The following ABCB5 variants were observed in gnomAD, a reference collection of about 807,000 sequenced individuals.
The protein encoded by ABCB5 is ATP binding cassette subfamily B member 5.
ABCB5 carries 155 observed loss-of-function variants against 144.2 expected under a neutral mutation model. The ratio of observed to expected loss-of-function variants is 1.08; its 90% CI spans 0.94 to 1.23. The LOEUF (loss-of-function observed/expected upper bound fraction) is 1.23, where lower values mean the gene tolerates loss of function less well. ABCB5 is among the 50% of genes most tolerant of loss of function. The probability of loss-of-function intolerance (pLI) is 0.00; values close to 1 mark genes in which losing one functional copy is unlikely to be tolerated. For missense variants in ABCB5, 1,830 were observed against 1,520.8 expected (o/e 1.20, Z -3.38); for synonymous variants, 610 against 528.6 (o/e 1.15, Z -2.11).
At chr7:20,636,291 CT>C (rs1181385510) in intron 5 of ABCB5, among the ~76,000 whole-genome samples, 4 of 151,718 alleles carry the variant, frequency 2.6e-5, no homozygotes, top group South Asian at 2.1e-4. Flanking sequence ...ACGAAGGATA[CT>C]TTTTTTTACA....
chr7:20,619,381 T>G (rs376804658), intron 1 of ABCB5, among the ~76,000 whole-genome samples: 1 of 152,232 alleles, frequency 6.6e-6, no homozygotes, highest in East Asian at 1.9e-4. Context: ...ATAGCCATTC[T>G]GATTGGTGTG....
rs766269026 is a variant in ABCB5 at position 20,698,432 on chromosome 7, T to C, written c.2036T>C (p.Leu679Ser). Residue 679 changes from leucine (L) to serine (S), a missense_variant, in exon 17 of 28, where the codon TTA becomes TCA. Transcript: ENST00000404938. Reference protein sequence around the residue: ...KEISLPEVSLLKILKLNKPEW... With the variant: ...KEISLPEVSLSKILKLNKPEW... ...ATAAGTCTTCCTGAAGTCTCTCTAT[T>C]AAAAATTTTAAAGTTAAACAAGCCT... 1.3e-6 allele frequency: 2 copies of C among 1,581,574 alleles called. No homozygotes were observed. The highest frequency in any genetic ancestry group is 8.5e-7 in the Non-Finnish European group (1 of 1,170,538).
chr7:20,631,473 T>A (rs1784037090), intron 4 of ABCB5, among the ~76,000 whole-genome samples: 1 of 152,168 alleles, frequency 6.6e-6, no homozygotes, highest in Non-Finnish European at 1.5e-5. Context: ...ATATCAACCA[T>A]GGTTTTGTGT....
At chr7:20,726,151 T>C (rs970784735) in intron 21 of ABCB5, among the ~76,000 whole-genome samples, 1 of 152,216 alleles carries the variant, frequency 6.6e-6, no homozygotes, top group African/African-American at 2.4e-5. Flanking sequence ...TTATAAACTA[T>C]ATAAATGTGG....
At chr7:20,619,982 G>A (rs1783775131) in intron 1 of ABCB5, among the ~76,000 whole-genome samples, 1 of 152,008 alleles carries the variant, frequency 6.6e-6, no homozygotes, top group African/African-American at 2.4e-5. Flanking sequence ...GATGGCTATG[G>A]GTGCCCTGCT....
chr7:20,651,364 C>T (rs1408888543), intron 12 of ABCB5, 56 bp from the exon 13 acceptor site: 1 of 1,577,720 alleles, frequency 6.3e-7, no homozygotes, highest in African/African-American at 1.4e-5. Flanking sequence ...TATGAAAAAC[C>T]CTAAAATCAA....
Position 20,646,060 on chromosome 7 carries a change from C to T in ABCB5, c.903C>T (p.Thr301=), listed in dbSNP as rs761362365. 1.4e-5 allele frequency: 23 copies of T among 1,613,734 alleles called. No individual in the cohort carries two copies. Among genetic ancestry groups the T allele is most frequent in the Non-Finnish European group, 1.9e-5 (23 of 1,179,780 alleles). Residue 301 remains threonine (T), a synonymous_variant, in exon 9 of 28, where the codon ACC becomes ACT. Transcript: ENST00000404938. ...CTGTGTACTTCTTTATGAATGGAAC[C>T]TATGGACTTGCTTTTTGGTATGGAA... is the stretch of plus-strand genomic sequence containing the variant. The part of the protein sequence containing the change: ...LGAVYFFMNG[T]YGLAFWYGTS...
chr7:20,646,279 T>C, intron 9 of ABCB5, 141 bp downstream of exon 9: 1 of 802,776 alleles, frequency 1.2e-6, no homozygotes, highest in Non-Finnish European at 1.9e-6. Context: ...ATTATCTGTA[T>C]ACACCTTTAA....
rs546907981 is a variant in ABCB5, at chr7:20,746,264, A to AT, written c.3429+832dup. On this transcript the variant is annotated intron_variant, in intron 26 of 27. Transcript: ENST00000404938. ...AGGCATGTGCCATCACGCCCGGCTAATTTTTTGTATTTTTAGTAGAGAAGG... is the reference window on the plus strand; with the variant it reads ...AGGCATGTGCCATCACGCCCGGCTAATTTTTTTGTATTTTTAGTAGAGAAGG... Among the ~76,000 whole-genome samples, 271 of 151,918 alleles carry AT rather than the reference A, an allele frequency of 1.8e-3. 4 individuals carry two copies. The highest frequency in any genetic ancestry group is 6.2e-3 in the African/African-American group (256 of 41,454).
intron 20 of ABCB5, among the ~76,000 whole-genome samples, chr7:20,706,166 T>C (rs1786816221): frequency 6.6e-6 from 1 of 152,186 alleles, no homozygotes; most frequent in Non-Finnish European, 1.5e-5. Flanking sequence ...CGTAGCACAA[T>C]ATAATTATCT....
intron 14 of ABCB5, among the ~76,000 whole-genome samples, chr7:20,679,515 A>T (rs1243891365): frequency 6.6e-6 from 1 of 150,794 alleles, no homozygotes; most frequent in Non-Finnish European, 1.5e-5. Flanking sequence ...GAGTGAAAAG[A>T]CAATCACATA....
chr7:20,628,400 G>T (rs1783957893), intron 3 of ABCB5, among the ~76,000 whole-genome samples: 1 of 152,112 alleles, frequency 6.6e-6, no homozygotes, highest in East Asian at 1.9e-4. Flanking sequence ...TCTTAATCCA[G>T]TCTATCATTG....
chr7:20,646,204 T>G, intron 9 of ABCB5, 66 bp downstream of exon 9: 2 of 1,469,752 alleles, frequency 1.4e-6, no homozygotes, highest in Non-Finnish European at 1.8e-6. Context: ...TTAGCCAAAA[T>G]TCCTCTTTGA....
intron 20 of ABCB5, among the ~76,000 whole-genome samples, chr7:20,720,781 T>C (rs989760371): frequency 5.3e-5 from 8 of 151,310 alleles, no homozygotes; most frequent in African/African-American, 1.9e-4. Context: ...CCGTCTCTAC[T>C]AAAAATACAA....
intron 5 of ABCB5, among the ~76,000 whole-genome samples, chr7:20,634,671 TG>T (rs2128020199): frequency 6.6e-6 from 1 of 152,288 alleles, no homozygotes; most frequent in African/African-American, 2.4e-5. Context: ...TTTTTTCATA[TG>T]CTTTTTGGAC....
At chr7:20,626,994 A>G (rs1466180763) in intron 3 of ABCB5, among the ~76,000 whole-genome samples, 1 of 151,972 alleles carries the variant, frequency 6.6e-6, no homozygotes, top group African/African-American at 2.4e-5. Context: ...ATGATTCTGC[A>G]TTGTTATGTG....
chr7:20,635,020 AT>A (rs1784122500), intron 5 of ABCB5, among the ~76,000 whole-genome samples: 1 of 152,030 alleles, frequency 6.6e-6, no homozygotes, highest in Non-Finnish European at 1.5e-5. Context: ...TTCTTCTAGT[AT>A]TCTTATCACT....
intron 26 of ABCB5, among the ~76,000 whole-genome samples, chr7:20,747,693 T>C (rs938980075): frequency 4.6e-5 from 7 of 152,258 alleles, no homozygotes; most frequent in Non-Finnish European, 7.3e-5. Context: ...TAAGATGTTA[T>C]TTCCTTTAAC....
chr7:20,646,835 G>A (rs1246072227), intron 9 of ABCB5, among the ~76,000 whole-genome samples: 1 of 152,086 alleles, frequency 6.6e-6, no homozygotes, highest in Non-Finnish European at 1.5e-5. Flanking sequence ...TTGAATTTGA[G>A]GCATTCATAA....
Sources: allele counts gnomAD v4.1 joint callset (sites outside exome capture counted in the v4.1 genomes callset), GRCh38; gene constraint gnomAD v4.1.1; transcripts MANE v1.5; gene names NCBI Gene and HGNC (gene_info 2026-07-23, HGNC 2026-07-21).